The following GRIP1 variants were observed in gnomAD, a reference collection of about 807,000 sequenced individuals.
GRIP1 encodes glutamate receptor interacting protein 1, also known as glutamate receptor-interacting protein 1.
GRIP1 carries 45 observed loss-of-function variants against 129.9 expected under a neutral mutation model. That is an observed-to-expected ratio of 0.35 (90% CI 0.27 to 0.44). GRIP1 has a LOEUF of 0.44. Among genes scored for constraint, GRIP1 ranks in the 20% least tolerant of loss-of-function variants. The probability of loss-of-function intolerance (pLI) is 1.00; values close to 1 mark genes in which losing one functional copy is unlikely to be tolerated. For synonymous variants in GRIP1, 530 were observed against 520.8 expected (o/e 1.02, Z -0.24); for missense variants, 1,196 against 1,396.8 (o/e 0.86, Z 2.29).
chr12:66,636,105 G>A (rs563660082), intron 1 of GRIP1, among the ~76,000 whole-genome samples: 169 of 152,292 alleles, frequency 1.1e-3, no homozygotes, highest in Middle Eastern at 3.4e-3. Context: ...CTTGTCACAT[G>A]CTATAACATA....
At chr12:66,856,512 A>C (rs1204032119) in intron 1 of GRIP1, among the ~76,000 whole-genome samples, 4 of 152,162 alleles carry the variant, frequency 2.6e-5, no homozygotes, top group African/African-American at 4.8e-5. Flanking sequence ...CAATGAACTC[A>C]AACAAATTTA....
At chr12:66,464,956 T>A (rs1470964229) in intron 8 of GRIP1, among the ~76,000 whole-genome samples, 1 of 135,990 alleles carries the variant, frequency 7.4e-6, no homozygotes, top group African/African-American at 3.1e-5. Flanking sequence ...CTTTCTTTCT[T>A]TTTTTTTTTT....
At chr12:66,559,137 TAAA>T (rs55900328) in intron 2 of GRIP1, among the ~76,000 whole-genome samples, 72 of 141,740 alleles carry the variant, frequency 5.1e-4, no homozygotes, top group African/African-American at 1.8e-3. Context: ...CCCTTCATGA[TAAA>T]AAAAAAAAAA....
chr12:66,866,976 C>T lies in GRIP1; in HGVS notation c.58+202074G>A, dbSNP rs145043076. On this transcript the variant is annotated intron_variant, in intron 1 of 1. Transcript: ENST00000643019. ...AAAAGAAAGAATAGGGCAGTTATTT[C>T]ATATTGTATATTTTATTTATTTTTT... 2.1e-3 allele frequency among the ~76,000 whole-genome samples: 320 copies of T among 152,146 alleles called. 2 individuals are homozygous for T. The highest frequency in any genetic ancestry group is 7.5e-3 in the African/African-American group (310 of 41,518).
chr12:66,472,524 G>C (rs975551669), intron 7 of GRIP1, among the ~76,000 whole-genome samples: 2 of 152,122 alleles, frequency 1.3e-5, no homozygotes, highest in African/African-American at 4.8e-5. Context: ...TGAGTTATCT[G>C]GTGGCTGGCA....
chr12:67,054,672 G>A (rs2043404212), intron 1 of GRIP1, among the ~76,000 whole-genome samples: 1 of 151,836 alleles, frequency 6.6e-6, no homozygotes, highest in African/African-American at 2.4e-5. Flanking sequence ...GCTGAGACAG[G>A]AGAATTGCTT....
chr12:66,977,768 G>A (rs944485856), intron 1 of GRIP1, among the ~76,000 whole-genome samples: 1 of 123,716 alleles, frequency 8.1e-6, no homozygotes, highest in African/African-American at 3.0e-5. Flanking sequence ...ACTAAAGAAT[G>A]TCTTCTTTTT....
intron 16 of GRIP1, among the ~76,000 whole-genome samples, chr12:66,394,930 A>T (rs563669656): frequency 6.6e-6 from 1 of 152,352 alleles, no homozygotes; most frequent in South Asian, 2.1e-4. Context: ...ATATCATTCC[A>T]CTGACTGTCT....
intron 1 of GRIP1, among the ~76,000 whole-genome samples, chr12:66,782,512 G>A (rs1361924736): frequency 6.6e-6 from 1 of 152,158 alleles, no homozygotes; most frequent in Non-Finnish European, 1.5e-5. Flanking sequence ...TAGAAACGGA[G>A]GGGGCTTTTT....
chr12:66,640,454 G>C (rs914611055), intron 1 of GRIP1, among the ~76,000 whole-genome samples: 3 of 152,132 alleles, frequency 2.0e-5, no homozygotes, highest in African/African-American at 7.2e-5. Flanking sequence ...ACTACAAATA[G>C]ATTATATGGC....
intron 1 of GRIP1, among the ~76,000 whole-genome samples, chr12:66,973,910 TTTTC>T (rs1376752689): frequency 3.1e-5 from 4 of 128,730 alleles, no homozygotes; most frequent in African/African-American, 1.1e-4. Context: ...AAGGCTTTTC[TTTTC>T]TTTTCTTTTT....
intron 1 of GRIP1, among the ~76,000 whole-genome samples, chr12:66,668,448 C>A (rs537065646): frequency 5.3e-5 from 8 of 152,168 alleles, no homozygotes; most frequent in Non-Finnish European, 1.2e-4. Flanking sequence ...GCAGAATTAA[C>A]AATAGTTTGT....
chr12:66,407,348 C>T (rs1360837576), intron 15 of GRIP1: 4 of 152,186 alleles, frequency 2.6e-5, no homozygotes, highest in African/African-American at 9.7e-5. Flanking sequence ...TAACAACTAT[C>T]CATACAGAAA....
intron 1 of GRIP1, among the ~76,000 whole-genome samples, chr12:67,040,548 C>T (rs2043161381): frequency 6.6e-6 from 1 of 152,108 alleles, no homozygotes; most frequent in East Asian, 1.9e-4. Context: ...TCATGGGTCA[C>T]CTAATTTGTC....
At chr12:66,712,885 T>C (rs2035755439) in intron 1 of GRIP1, among the ~76,000 whole-genome samples, 1 of 152,052 alleles carries the variant, frequency 6.6e-6, no homozygotes, top group Non-Finnish European at 1.5e-5. Context: ...TCTTCACTTC[T>C]AGGCGGTGAA....
At chr12:66,663,188 T>A (rs2033614119) in intron 1 of GRIP1, among the ~76,000 whole-genome samples, 1 of 152,214 alleles carries the variant, frequency 6.6e-6, no homozygotes. Flanking sequence ...TGAAGTTGTA[T>A]TAATTATTGT....
At chr12:66,538,613 G>GT (rs2061677714) in intron 4 of GRIP1, among the ~76,000 whole-genome samples, 1 of 151,854 alleles carries the variant, frequency 6.6e-6, no homozygotes, top group Admixed American at 6.6e-5. Context: ...GTGTGTGTTT[G>GT]TTTTTTTGAG....
chr12:66,725,530 T>C (rs1338284660), intron 1 of GRIP1, among the ~76,000 whole-genome samples: 1 of 152,132 alleles, frequency 6.6e-6, no homozygotes, highest in African/African-American at 2.4e-5. Flanking sequence ...AAAATGAGAT[T>C]TTTTTCTCAC....
At chr12:66,448,886 T>C (rs1441998495) in intron 11 of GRIP1, among the ~76,000 whole-genome samples, 9 of 152,310 alleles carry the variant, frequency 5.9e-5, no homozygotes, top group South Asian at 2.1e-4. Flanking sequence ...CTGTTTCCTA[T>C]AGAACAAACT....
Sources: gnomAD v4.1 joint callset for allele counts (sites outside exome capture counted in the v4.1 genomes callset) on GRCh38, gnomAD v4.1.1 for gene constraint, MANE v1.5 for transcripts, NCBI Gene and HGNC (gene_info 2026-07-23, HGNC 2026-07-21) for gene names.